Variants in LIPK observed in about 807,000 individuals in gnomAD.
LIPK encodes lipase family member K.
LIPK carries 32 observed loss-of-function variants against 48.6 expected under a neutral mutation model. That is an observed-to-expected ratio of 0.66 (90% CI 0.50 to 0.88). The LOEUF (loss-of-function observed/expected upper bound fraction) is 0.88. LIPK is among the 40% of genes least tolerant of loss of function. LIPK has a pLI of 0.00. For missense variants in LIPK, 507 were observed against 478.5 expected, an observed-to-expected ratio of 1.06 and a Z score of -0.56; for synonymous variants, 164 against 157.4, an observed-to-expected ratio of 1.04 and a Z score of -0.32.
At position 88,709,540 on chromosome 10, in the gene LIPK, T is replaced by C. The variant is rs576430264; in HGVS notation, c.-12+3220T>C. Reference sequence around the variant, plus strand: ...GAACATGCGGTGTTTGGATTTTTGTTCCTGTTAGCTGGCTGAGAATGATGG... The same window carrying C: ...GAACATGCGGTGTTTGGATTTTTGTCCCTGTTAGCTGGCTGAGAATGATGG... On this transcript the variant is annotated intron_variant, in intron 1 of 9. Coordinates refer to ENST00000404190, the MANE Select transcript of LIPK (RefSeq NM_001080518.2). Among the ~76,000 whole-genome samples the C allele has an allele frequency of 3.9e-5, 6 of 152,218 alleles. No individual in the cohort carries two copies. In the South Asian group the frequency reaches 1.2e-3, roughly 32 times the overall value.
intron 6 of LIPK, among the ~76,000 whole-genome samples, chr10:88,735,498 A>G (rs1033442099): frequency 1.3e-5 from 2 of 152,174 alleles, no homozygotes; most frequent in African/African-American, 2.4e-5. Context: ...CATGGTCAAC[A>G]GTCTTTTTTA....
At chr10:88,717,990 CT>C (rs1842151988) in intron 1 of LIPK, among the ~76,000 whole-genome samples, 1 of 151,672 alleles carries the variant, frequency 6.6e-6, no homozygotes, top group Non-Finnish European at 1.5e-5. Flanking sequence ...AGGAAAGAGG[CT>C]CTTTCAGTTT....
In LIPK at chr10:88,726,913, GTAT is replaced by G. The variant is rs769018440; in HGVS notation, c.223+6_223+8del. ...GGAAGAGGATGCCCAGGGAGGACAG[GTAT>G]TATTTATTTTGTTATGAAAGGAAAA... On this transcript the variant is annotated splice_donor_variant and splice_donor_region_variant and intron_variant, in intron 3 of 9. Transcript: ENST00000404190. LOFTEE classifies it high-confidence loss of function. 6.6e-7 allele frequency: 1 copy of G among 1,515,606 alleles called. No homozygotes were observed. Among genetic ancestry groups the G allele is most frequent in the Non-Finnish European group, 9.1e-7 (1 of 1,098,730 alleles). 93.9% of individuals were successfully genotyped at this position (1,515,606 alleles called of 1,614,324 possible). A position where few individuals can be genotyped will look rare whatever the true frequency, so the allele number is the denominator to read the frequency against.
chr10:88,720,481 C>T (rs1369921983), intron 1 of LIPK, among the ~76,000 whole-genome samples: 3 of 151,900 alleles, frequency 2.0e-5, no homozygotes, highest in Admixed American at 1.3e-4. Context: ...CACAAGTTTA[C>T]GTATATAACA....
chr10:88,717,418 T>C (rs568776148), intron 1 of LIPK, among the ~76,000 whole-genome samples: 3 of 152,322 alleles, frequency 2.0e-5, no homozygotes, highest in South Asian at 2.1e-4. Context: ...GATTTAGTTA[T>C]GCTGTCTTTA....
chr10:88,731,608 T>G (rs1401590333), intron 4 of LIPK, among the ~76,000 whole-genome samples: 1 of 152,244 alleles, frequency 6.6e-6, no homozygotes, highest in African/African-American at 2.4e-5. Context: ...AATCCTGTGT[T>G]CCTTGGCCTC....
chr10:88,729,266 G>A (rs1025189763), intron 3 of LIPK, among the ~76,000 whole-genome samples: 1 of 114,058 alleles, frequency 8.8e-6, no homozygotes, highest in African/African-American at 3.0e-5. Flanking sequence ...GGGGGGGGGC[G>A]GGGGAAGAGC....
chr10:88,714,741 T>C (rs185449123), intron 1 of LIPK, among the ~76,000 whole-genome samples: 1 of 152,252 alleles, frequency 6.6e-6, no homozygotes, highest in African/African-American at 2.4e-5. Context: ...ATTTCTGATA[T>C]TGGCACATAT....
At chr10:88,724,674 G>A (rs1159355839) in intron 2 of LIPK, 26 bp downstream of exon 2, 1 of 1,443,064 alleles carries the variant, frequency 6.9e-7, no homozygotes. Flanking sequence ...AGAAAAAAAT[G>A]CTAAAATAAG....
intron 9 of LIPK, among the ~76,000 whole-genome samples, chr10:88,749,819 C>G (rs1285302157): frequency 1.0e-5 from 1 of 96,106 alleles, no homozygotes; most frequent in Non-Finnish European, 2.2e-5. Context: ...CCTAATTAAA[C>G]TAAAGAGCTT....
At chr10:88,742,714 A>G (rs1280911360) in intron 8 of LIPK, among the ~76,000 whole-genome samples, 1 of 152,160 alleles carries the variant, frequency 6.6e-6, no homozygotes, top group African/African-American at 2.4e-5. Context: ...GCAGCCATGT[A>G]CCTTACACAG....
Position 88,743,340 on chromosome 10 carries a change from T to C in LIPK, c.960+19T>C. 11 of 1,547,894 alleles carry C rather than the reference T, an allele frequency of 7.1e-6. No homozygotes were observed. The highest frequency in any genetic ancestry group is 9.7e-6 in the Non-Finnish European group (11 of 1,134,680). On this transcript the variant is annotated intron_variant, in intron 9 of 9. Transcript: ENST00000404190. ...CCATCAGGTACAAAAATAATCCTCA[T>C]AATCAGTTCCATGCTGCAAATGAAC...
At chr10:88,726,712 CAAAT>C in intron 2 of LIPK, 79 bp from the exon 3 acceptor site, 3 of 744,708 alleles carry the variant, frequency 4.0e-6, no homozygotes, top group Non-Finnish European at 6.9e-6. Flanking sequence ...AACAAACAGA[CAAAT>C]AAAGTACTAT....
In LIPK at chr10:88,708,400, C is replaced by T. The variant is rs562360965; in HGVS notation, c.-12+2080C>T. 2.0e-5 allele frequency among the ~76,000 whole-genome samples: 3 copies of T among 152,104 alleles called. No homozygotes were observed. The East Asian group carries it at 5.8e-4, about 29-fold the overall frequency. ...CCATTTTCATTTTGGAGTAATTCTT[C>T]TAGTCTTTTGAAGACCATACTTTTT... On this transcript the variant is annotated intron_variant, in intron 1 of 9. Coordinates refer to ENST00000404190, the MANE Select transcript of LIPK (RefSeq NM_001080518.2).
Position 88,752,586 on chromosome 10 carries a change from A to G in LIPK, c.1030A>G (p.Ile344Val), listed in dbSNP as rs1842882767. Residue 344 changes from isoleucine (I) to valine (V), a missense_variant, in exon 10 of 10, where the codon ATT becomes GTT. Transcript: ENST00000404190. Reference protein sequence around the residue: ...PTAIWNGGQDIVADPKDVENL... With the variant: ...PTAIWNGGQDVVADPKDVENL... ...AGCAATATGGAATGGTGGACAGGAC[A>G]TTGTGGCTGATCCCAAGGATGTTGA... 1.9e-6 allele frequency: 3 copies of G among 1,573,030 alleles called. No individual in the cohort carries two copies. In the East Asian group the frequency reaches 6.9e-5, roughly 36 times the overall value.
intron 1 of LIPK, among the ~76,000 whole-genome samples, chr10:88,722,964 A>T (rs188886627): frequency 1.4e-5 from 2 of 139,484 alleles, no homozygotes; most frequent in Admixed American, 1.6e-4. Flanking sequence ...AGCTCACTGG[A>T]GTCTCAAACT....
intron 6 of LIPK, among the ~76,000 whole-genome samples, chr10:88,733,240 G>A (rs1590149270): frequency 6.6e-6 from 1 of 152,228 alleles, no homozygotes; most frequent in East Asian, 1.9e-4. Context: ...AAAACTCTAG[G>A]CCTCCTAATC....
intron 8 of LIPK, among the ~76,000 whole-genome samples, 169 bp downstream of exon 8, chr10:88,740,236 T>A (rs1453825740): frequency 6.6e-6 from 1 of 152,224 alleles, no homozygotes; most frequent in Non-Finnish European, 1.5e-5. Context: ...CCATTTCTTC[T>A]CCTTGTCCTC....
intron 6 of LIPK, among the ~76,000 whole-genome samples, chr10:88,737,395 G>A (rs1482808403): frequency 1.3e-5 from 2 of 152,108 alleles, no homozygotes; most frequent in African/African-American, 4.8e-5. Flanking sequence ...CTAATTTCCT[G>A]TGGGAACTAG....
Sources: allele counts gnomAD v4.1 joint callset (sites outside exome capture counted in the v4.1 genomes callset), GRCh38; gene constraint gnomAD v4.1.1; transcripts MANE v1.5; gene names NCBI Gene and HGNC (gene_info 2026-07-23, HGNC 2026-07-21).